CYP20A1: variants seen among roughly 807,000 people sequenced by gnomAD.
CYP20A1 encodes the protein cytochrome P450 20A1.
Under a neutral mutation model 61.4 loss-of-function variants are expected in CYP20A1, and 61 were observed. The ratio of observed to expected loss-of-function variants is 0.99; its 90% CI spans 0.81 to 1.23. The LOEUF is 1.23. Ranked by LOEUF, CYP20A1 falls within the 50% of genes most tolerant of loss-of-function variation. CYP20A1 has a pLI of 0.00. For missense variants in CYP20A1, 530 were observed against 542.4 expected (o/e 0.98, Z 0.23); for synonymous variants, 193 against 188.2 (o/e 1.03, Z -0.21).
chr2:203,272,797 C>A, intron 6 of CYP20A1, 49 bp downstream of exon 6: 1 of 1,149,640 alleles, frequency 8.7e-7, no homozygotes, highest in South Asian at 1.4e-5. Context: ...TAAATGTGCC[C>A]CAGTTTTAAT....
chr2:203,292,830 C>T (rs1287808145), intron 11 of CYP20A1, among the ~76,000 whole-genome samples: 3 of 152,044 alleles, frequency 2.0e-5, no homozygotes, highest in Non-Finnish European at 1.5e-5. Flanking sequence ...CTCTTTGTCT[C>T]TTTTATTACC....
chr2:203,272,794 G>T (rs779889565), intron 6 of CYP20A1, 46 bp downstream of exon 6: 1 of 1,171,216 alleles, frequency 8.5e-7, no homozygotes, highest in East Asian at 2.5e-5. Flanking sequence ...AAATAAATGT[G>T]CCCCAGTTTT....
Position 203,285,674 on chromosome 2 carries a change from G to A in CYP20A1, c.913G>A (p.Glu305Lys). The A allele has an allele frequency of 1.2e-6, 2 of 1,607,094 alleles. No homozygotes were observed. Among genetic ancestry groups the A allele is most frequent in the Non-Finnish European group, 1.7e-6 (2 of 1,178,494 alleles). ...SEEVQKKLYE[E>K]INQVFGNGPV... ...AGAAGTTCAAAAAAAATTATATGAAGAGATAAACCAAGTTTTTGGAAATGG... is the reference window on the plus strand; with the variant it reads ...AGAAGTTCAAAAAAAATTATATGAAAAGATAAACCAAGTTTTTGGAAATGG... Residue 305 changes from glutamate (E) to lysine (K), a missense_variant, in exon 9 of 13, where the codon GAG becomes AAG. Transcript: ENST00000356079.
chr2:203,243,978 C>T (rs1429586867), intron 1 of CYP20A1, among the ~76,000 whole-genome samples: 1 of 152,178 alleles, frequency 6.6e-6, no homozygotes, highest in Admixed American at 6.5e-5. Context: ...ATGCAAGCCA[C>T]CACACCTGGC....
At chr2:203,266,354 A>G (rs1047429745) in intron 4 of CYP20A1, among the ~76,000 whole-genome samples, 160 bp from the exon 5 acceptor site, 23 of 152,156 alleles carry the variant, frequency 1.5e-4, no homozygotes, top group African/African-American at 4.6e-4. Flanking sequence ...TGAGGATGCA[A>G]TTATAGGTGG....
At chr2:203,284,947 T>C (rs574439905) in intron 8 of CYP20A1, among the ~76,000 whole-genome samples, 49 of 151,970 alleles carry the variant, frequency 3.2e-4, no homozygotes, top group African/African-American at 1.1e-3. Context: ...GGTTTTGCCA[T>C]GTTGCCCAGA....
intron 1 of CYP20A1, among the ~76,000 whole-genome samples, chr2:203,242,545 C>T (rs188515402): frequency 1.1e-4 from 16 of 152,116 alleles, no homozygotes; most frequent in African/African-American, 1.7e-4. Flanking sequence ...CCCAGCACTT[C>T]GGGAGGCTGA....
At chr2:203,256,555 C>T (rs1439400858) in intron 4 of CYP20A1, among the ~76,000 whole-genome samples, 1 of 151,910 alleles carries the variant, frequency 6.6e-6, no homozygotes, top group East Asian at 1.9e-4. Flanking sequence ...GGCAGGGTTT[C>T]GCCATGTTAG....
intron 9 of CYP20A1, among the ~76,000 whole-genome samples, chr2:203,286,637 G>A (rs570741293): frequency 1.3e-5 from 2 of 152,230 alleles, no homozygotes; most frequent in African/African-American, 4.8e-5. Context: ...TTCTAGAAAA[G>A]GCAAACTGTG....
In CYP20A1 at chr2:203,296,547, G is replaced by A; in HGVS notation, c.1222G>A (p.Glu408Lys). The change falls in exon 12 of 13, where the codon GAG (glutamate) becomes AAG (lysine). Residue 408 changes from glutamate to lysine, a missense_variant. Transcript: ENST00000356079. ...CTCACTTGGATTCTCAGGCACACAG[G>A]AGTGTCCAGAGTTGAGGTGAATAAT... ...FSSLGFSGTQECPELRFAYMV... is the reference protein window; with the variant it reads ...FSSLGFSGTQKCPELRFAYMV... 1.2e-6 allele frequency: 2 copies of A among 1,610,122 alleles called. No homozygotes were observed. Among genetic ancestry groups the A allele is most frequent in the Non-Finnish European group, 1.7e-6 (2 of 1,177,468 alleles).
At chr2:203,284,595 C>A (rs1467420286) in intron 8 of CYP20A1, among the ~76,000 whole-genome samples, 1 of 152,054 alleles carries the variant, frequency 6.6e-6, no homozygotes, top group Non-Finnish European at 1.5e-5. Context: ...GTGATCTTCC[C>A]ATTTTGGCGT....
At chr2:203,287,135 C>T (rs1456870373) in intron 9 of CYP20A1, among the ~76,000 whole-genome samples, 1 of 149,570 alleles carries the variant, frequency 6.7e-6, no homozygotes, top group African/African-American at 2.5e-5. Flanking sequence ...AGGAGAATCA[C>T]CTGAGCCCAG....
chr2:203,272,087 C>T (rs1240395194), intron 5 of CYP20A1, among the ~76,000 whole-genome samples: 2 of 152,166 alleles, frequency 1.3e-5, no homozygotes, highest in Admixed American at 1.3e-4. Flanking sequence ...CTTCTCCCTA[C>T]TCCTTTTAGA....
At chr2:203,291,170 C>T (rs1447135794) in intron 10 of CYP20A1, among the ~76,000 whole-genome samples, 1 of 151,954 alleles carries the variant, frequency 6.6e-6, no homozygotes, top group African/African-American at 2.4e-5. Context: ...TTAAGTGATC[C>T]TGCCACCTCA....
chr2:203,296,972 A>C lies in CYP20A1; in HGVS notation c.*64A>C. On this transcript the variant is annotated 3_prime_UTR_variant, in exon 13 of 13. Coordinates refer to ENST00000356079, the MANE Select transcript of CYP20A1 (RefSeq NM_177538.3). ...GAAAACAACCATTTAAAAAAAATCT[A>C]TGTTGAATCCTTTTATAAACCAGTA... 9.5e-6 allele frequency: 9 copies of C among 949,468 alleles called. No homozygotes were observed. The highest frequency in any genetic ancestry group is 1.4e-5 in the Non-Finnish European group (9 of 644,736). 58.8% of individuals were successfully genotyped at this position (949,468 alleles called of 1,614,324 possible). A position where few individuals can be genotyped will look rare whatever the true frequency, so the allele number is the denominator to read the frequency against.
At chr2:203,291,743 A>G (rs541854133) in intron 10 of CYP20A1, among the ~76,000 whole-genome samples, 104 of 151,760 alleles carry the variant, frequency 6.9e-4, no homozygotes, top group African/African-American at 2.4e-3. Flanking sequence ...TTTGTTACAT[A>G]TGTATACATG....
At chr2:203,252,215 C>G in intron 4 of CYP20A1, 106 bp downstream of exon 4, 1 of 827,880 alleles carries the variant, frequency 1.2e-6, no homozygotes, top group Non-Finnish European at 1.7e-6. Context: ...TTTCCTGTCC[C>G]TCTAAGCTAA....
intron 5 of CYP20A1, among the ~76,000 whole-genome samples, chr2:203,268,603 T>C (rs1314811585): frequency 6.6e-6 from 1 of 151,838 alleles, no homozygotes; most frequent in Non-Finnish European, 1.5e-5. Flanking sequence ...TGTTTTTTTT[T>C]TTGTTTGTTT....
intron 6 of CYP20A1, 55 bp downstream of exon 6, chr2:203,272,803 T>C (rs2067659284): frequency 9.3e-7 from 1 of 1,071,612 alleles, no homozygotes; most frequent in Non-Finnish European, 1.4e-6. Context: ...TGCCCCAGTT[T>C]TAATAAAGTA....
Sources: allele counts gnomAD v4.1 joint callset (sites outside exome capture counted in the v4.1 genomes callset), GRCh38; gene constraint gnomAD v4.1.1; transcripts MANE v1.5; gene names NCBI Gene and HGNC (gene_info 2026-07-23, HGNC 2026-07-21).